Variants in ARHGEF28 observed in about 807,000 individuals in gnomAD.
ARHGEF28 encodes 190 kDa guanine nucleotide exchange factor.
Under a neutral mutation model 206.6 loss-of-function variants are expected in ARHGEF28, and 152 were observed. The observed-to-expected ratio is 0.74, with a 90% CI of 0.64 to 0.84. The LOEUF (loss-of-function observed/expected upper bound fraction) is 0.84. ARHGEF28 is among the 40% of genes least tolerant of loss of function. The pLI is 0.00. For synonymous variants in ARHGEF28, 763 were observed against 776.4 expected (o/e 0.98, Z 0.29); for missense variants, 2,028 against 2,073.2 (o/e 0.98, Z 0.42).
chr5:73,890,048 C>T (rs1039990058), intron 26 of ARHGEF28, among the ~76,000 whole-genome samples: 2 of 152,230 alleles, frequency 1.3e-5, no homozygotes, highest in Admixed American at 6.5e-5. Flanking sequence ...CTTTGCATTA[C>T]TAGTGTTTGA....
chr5:73,795,213 T>C, intron 8 of ARHGEF28, 118 bp from the exon 9 acceptor site: 1 of 858,220 alleles, frequency 1.2e-6, no homozygotes, highest in Non-Finnish European at 1.9e-6. Flanking sequence ...CATGTGATGA[T>C]ACTTGTAACA....
At position 73,654,823 on chromosome 5, in the gene ARHGEF28, CT is replaced by C. The variant is rs534321903; in HGVS notation, c.-12+28509del. 2.7e-3 allele frequency among the ~76,000 whole-genome samples: 407 copies of C among 152,056 alleles called. 1 individual carries two copies. The highest frequency in any genetic ancestry group is 9.5e-3 in the African/African-American group (396 of 41,488). On this transcript the variant is annotated intron_variant, in intron 1 of 35. Transcript: ENST00000513042. ...TCTGATCATTTTCTAGTTACCACTC[CT>C]TTTTTTTCTGAAATGAAAAGTCAAG...
chr5:73,894,184 C>T (rs1761818220), intron 28 of ARHGEF28, among the ~76,000 whole-genome samples: 2 of 152,162 alleles, frequency 1.3e-5, no homozygotes, highest in Non-Finnish European at 2.9e-5. Flanking sequence ...ACAATGGAAG[C>T]TGAGAAAGTT....
At chr5:73,778,076 T>TAAA (rs11378540) in intron 6 of ARHGEF28, 5,849 of 140,596 alleles carry the variant, frequency 0.042, 157 homozygotes, top group African/African-American at 0.071. Context: ...AGACTCCGTC[T>TAAA]AAAAAAAAAA....
intron 1 of ARHGEF28, among the ~76,000 whole-genome samples, chr5:73,653,913 C>T (rs899111741): frequency 2.6e-5 from 4 of 152,188 alleles, no homozygotes; most frequent in African/African-American, 7.2e-5. Context: ...GATACTCAAT[C>T]GGCCACCCTG....
At chr5:73,868,366 G>A in intron 20 of ARHGEF28, 139 bp downstream of exon 20, 1 of 1,127,816 alleles carries the variant, frequency 8.9e-7, no homozygotes, top group South Asian at 2.1e-5. Flanking sequence ...TTTGGTATAG[G>A]TTCTACTTTT....
intron 22 of ARHGEF28, 70 bp downstream of exon 22, chr5:73,873,316 CA>C: frequency 6.7e-7 from 1 of 1,490,886 alleles, no homozygotes; most frequent in African/African-American, 1.4e-5. Flanking sequence ...GCCCTTTCAT[CA>C]ACAAGAGTAA....
intron 2 of ARHGEF28, 135 bp from the exon 3 acceptor site, chr5:73,749,702 C>A: frequency 1.2e-6 from 1 of 864,146 alleles, no homozygotes; most frequent in Non-Finnish European, 1.8e-6. Context: ...GAAGGAAGCA[C>A]TCATGCTATT....
chr5:73,718,890 A>G (rs1749748441), intron 2 of ARHGEF28, among the ~76,000 whole-genome samples: 1 of 152,022 alleles, frequency 6.6e-6, no homozygotes, highest in South Asian at 2.1e-4. Context: ...GCTAAACACT[A>G]TCCTTCCCTC....
intron 10 of ARHGEF28, 30 bp from the exon 11 acceptor site, chr5:73,840,450 C>T (rs1357832977): frequency 6.2e-7 from 1 of 1,601,614 alleles, no homozygotes; most frequent in Non-Finnish European, 8.5e-7. Flanking sequence ...CCTGCTTTTA[C>T]TCAGGAAATG....
Position 73,846,262 on chromosome 5 carries a change from CT to C in ARHGEF28, c.1428-3del. The C allele has an allele frequency of 6.2e-7, 1 of 1,612,392 alleles. No homozygotes were observed. The highest frequency in any genetic ancestry group is 8.5e-7 in the Non-Finnish European group (1 of 1,179,384). ...TCTTTACTTACTTGCTGGCTTTGTG[CT>C]TTAGTTCTAGCCTTGATGCCTTGGA... On this transcript the variant is annotated splice_polypyrimidine_tract_variant and splice_region_variant and intron_variant, in intron 11 of 35. Transcript: ENST00000513042.
chr5:73,819,946 C>T (rs1385058602), intron 9 of ARHGEF28, among the ~76,000 whole-genome samples: 3 of 152,148 alleles, frequency 2.0e-5, no homozygotes, highest in Admixed American at 1.3e-4. Flanking sequence ...CTCTGCCTTG[C>T]GTACGTTTTT....
chr5:73,757,469 G>A (rs1296045678), intron 4 of ARHGEF28, among the ~76,000 whole-genome samples: 1 of 152,144 alleles, frequency 6.6e-6, no homozygotes, highest in African/African-American at 2.4e-5. Context: ...AAACCCTGCT[G>A]TGACACATTA....
rs1199575586 is a variant in ARHGEF28 at position 73,893,209 on chromosome 5, A to T, written c.3579A>T (p.Glu1193Asp). Residue 1193 changes from glutamate to aspartate, a missense_variant, in exon 28 of 36, where the codon GAA (glutamate) becomes GAT (aspartate). By Grantham distance (45) the Glu-to-Asp change is conservative (BLOSUM62 2). Around this residue, in one of 3 missense-constraint regions of ARHGEF28, gnomAD observed 803 missense variants for 768.0 expected, o/e 1.05. Transcript: ENST00000513042. The part of the protein sequence containing the change: ...IQQAVESCPE[E>D]KGGRTSESDE... ...TTGTCTTTTAAAGTTGTCCTGAAGA[A>T]AAAGGGGGAAGGACAAGTGAATCTG... 2 of 1,551,322 alleles carry T rather than the reference A, an allele frequency of 1.3e-6. No individual in the cohort carries two copies. Among genetic ancestry groups the T allele is most frequent in the Non-Finnish European group, 1.7e-6 (2 of 1,147,926 alleles).
rs529584400 is a variant in ARHGEF28 at position 73,781,700 on chromosome 5, G to A, written c.910+955G>A. 5.3e-5 allele frequency among the ~76,000 whole-genome samples: 8 copies of A among 152,150 alleles called. No homozygotes were observed. In the South Asian group the frequency reaches 8.3e-4, roughly 16 times the overall value. ...TGCAAAAATCTAACCACATTATTGC[G>A]TCTCCTAGGGTATTTAGGGTAAAGG... On this transcript the variant is annotated intron_variant, in intron 7 of 35. Transcript: ENST00000513042.
chr5:73,851,676 G>T (rs775233444), intron 13 of ARHGEF28, among the ~76,000 whole-genome samples: 1 of 152,062 alleles, frequency 6.6e-6, no homozygotes, highest in Non-Finnish European at 1.5e-5. Context: ...ACAGTTGGTG[G>T]CTTATTCTCT....
At chr5:73,773,761 T>C in intron 4 of ARHGEF28, 94 bp from the exon 5 acceptor site, 1 of 1,178,626 alleles carries the variant, frequency 8.5e-7, no homozygotes. Context: ...CTGACATTCT[T>C]ATTATGTCTA....
At chr5:73,813,515 C>T in intron 9 of ARHGEF28, 2 of 1,525,930 alleles carry the variant, frequency 1.3e-6, no homozygotes, top group Non-Finnish European at 1.8e-6. Context: ...GGAGGCTTGC[C>T]TCCTGGCTGG....
At chr5:73,661,985 A>G (rs1745627585) in intron 1 of ARHGEF28, among the ~76,000 whole-genome samples, 1 of 152,192 alleles carries the variant, frequency 6.6e-6, no homozygotes, top group Non-Finnish European at 1.5e-5. Context: ...TTCAGTTTGT[A>G]AGAAACACAA....
Sources: allele counts gnomAD v4.1 joint callset (sites outside exome capture counted in the v4.1 genomes callset), GRCh38; gene constraint gnomAD v4.1.1; regional missense constraint gnomAD v4.1.1; transcripts MANE v1.5; gene names NCBI Gene and HGNC (gene_info 2026-07-23, HGNC 2026-07-21).